CCM2: variants seen among roughly 807,000 people sequenced by gnomAD.
The protein encoded by CCM2 is CCM2 scaffold protein.
In CCM2, 25 loss-of-function variants were observed where a neutral mutation model predicts 44.9. That is an observed-to-expected ratio of 0.56 (90% CI 0.41 to 0.78). CCM2 has a LOEUF of 0.78. Ranked by LOEUF, CCM2 falls within the 30% of genes least tolerant of loss-of-function variation. CCM2 has a pLI of 0.00. For missense variants in CCM2, 481 were observed against 580.6 expected (o/e 0.83, Z 1.76); for synonymous variants, 219 against 241.1 (o/e 0.91, Z 0.85).
rs1798673627 is a variant in CCM2, at chr7:45,064,506, C to T, written c.332C>T (p.Ala111Val). The change falls in exon 4 of 10, where the codon GCT (alanine) becomes GTT (valine). Residue 111 changes from alanine to valine, a missense_variant. Coordinates refer to ENST00000258781, the MANE Select transcript of CCM2 (RefSeq NM_031443.4). Reference protein sequence around the residue: ...LPGHLTQEHDAVLSLSAYNVK... With the variant: ...LPGHLTQEHDVVLSLSAYNVK... The stretch of plus-strand genomic sequence containing the variant: ...GGACACTTGACTCAGGAGCACGATG[C>T]TGTGCTCAGCCTGTCTGCGTACAAC... 1 of 1,613,802 alleles carries T rather than the reference C, an allele frequency of 6.2e-7. No individual in the cohort carries two copies. The highest frequency in any genetic ancestry group is 8.5e-7 in the Non-Finnish European group (1 of 1,179,948).
rs1300588805 is a variant in CCM2, at chr7:45,017,569, CTG to C, written c.30+17211_30+17212del. ...ACAGAGTTGATCTTGAAGAGTCAGACTGTGTGGCTGAATCCTTACCTGGCACG... is the reference window on the plus strand; with the variant it reads ...ACAGAGTTGATCTTGAAGAGTCAGACTGTGGCTGAATCCTTACCTGGCACG... On this transcript the variant is annotated intron_variant, in intron 1 of 9. Transcript: ENST00000258781. 3.3e-5 allele frequency among the ~76,000 whole-genome samples: 5 copies of C among 152,318 alleles called. No homozygotes were observed. In the East Asian group the frequency reaches 7.7e-4, roughly 23 times the overall value.
chr7:45,064,508 G>T lies in CCM2; in HGVS notation c.334G>T (p.Val112Leu), dbSNP rs1454748433. The stretch of plus-strand genomic sequence containing the variant: ...ACACTTGACTCAGGAGCACGATGCT[G>T]TGCTCAGCCTGTCTGCGTACAACGT... ...PGHLTQEHDA[V>L]LSLSAYNVKL... is the part of the protein sequence containing the mutation. Residue 112 changes from valine to leucine, a missense_variant, in exon 4 of 10, where the codon GTG (valine) becomes TTG (leucine). Transcript: ENST00000258781. The T allele has an allele frequency of 6.2e-7, 1 of 1,613,688 alleles. No homozygotes were observed. Among genetic ancestry groups the T allele is most frequent in the Admixed American group, 1.7e-5 (1 of 59,996 alleles).
chr7:45,053,129 T>C (rs1158520576), intron 2 of CCM2, among the ~76,000 whole-genome samples: 1 of 152,202 alleles, frequency 6.6e-6, no homozygotes, highest in East Asian at 1.9e-4. Flanking sequence ...ACCTTTTTGA[T>C]AGTTTGGGTC....
chr7:45,060,923 T>C (rs1798489333), intron 2 of CCM2, among the ~76,000 whole-genome samples: 2 of 152,234 alleles, frequency 1.3e-5, no homozygotes, highest in South Asian at 4.1e-4. Context: ...ATCTCCACTA[T>C]GTCTGAGTCT....
chr7:45,005,002 A>G (rs1438870980), intron 1 of CCM2, among the ~76,000 whole-genome samples: 1 of 152,132 alleles, frequency 6.6e-6, no homozygotes, highest in Non-Finnish European at 1.5e-5. Context: ...GTCTCAAAAA[A>G]AAAAAAAAGG....
At chr7:45,074,210 C>T in intron 8 of CCM2, 60 bp from the exon 9 acceptor site, 1 of 1,609,950 alleles carries the variant, frequency 6.2e-7, no homozygotes. Flanking sequence ...GCAAGGTGGG[C>T]CCGACTGCCG....
At chr7:45,034,218 T>TG (rs1176247524) in intron 1 of CCM2, among the ~76,000 whole-genome samples, 1 of 152,066 alleles carries the variant, frequency 6.6e-6, no homozygotes, top group Non-Finnish European at 1.5e-5. Context: ...ACTTTTTTTT[T>TG]TTTTTGTTTT....
chr7:45,043,769 T>C, intron 2 of CCM2: 2 of 387,958 alleles, frequency 5.2e-6, no homozygotes, highest in Non-Finnish European at 4.9e-6. Flanking sequence ...TTTTCTCTCA[T>C]TTTTCCTATT....
intron 1 of CCM2, among the ~76,000 whole-genome samples, chr7:45,035,087 G>T (rs1261898948): frequency 1.3e-5 from 2 of 151,766 alleles, no homozygotes; most frequent in Admixed American, 1.3e-4. Flanking sequence ...TACCCACCTC[G>T]GCCTCCCAAA....
chr7:45,027,145 G>C (rs1426482311), intron 1 of CCM2: 4 of 194,574 alleles, frequency 2.1e-5, no homozygotes, highest in Admixed American at 5.3e-5. Flanking sequence ...AGCCCGGTGT[G>C]CCCTGCCCAA....
chr7:45,054,656 G>A (rs76854521), intron 2 of CCM2, among the ~76,000 whole-genome samples: 1,701 of 152,314 alleles, frequency 0.011, 27 homozygotes, highest in African/African-American at 0.038. Flanking sequence ...AGGCCACCTG[G>A]CCATACCGTC....
chr7:45,074,547 C>A, intron 9 of CCM2, 139 bp downstream of exon 9: 1 of 752,028 alleles, frequency 1.3e-6, no homozygotes, highest in Non-Finnish European at 2.3e-6. Flanking sequence ...CCAGAGATGG[C>A]ATGAGAGCAG....
chr7:45,011,588 G>C (rs1796069628), intron 1 of CCM2, among the ~76,000 whole-genome samples: 1 of 152,006 alleles, frequency 6.6e-6, no homozygotes, highest in East Asian at 1.9e-4. Context: ...GTCTCACTCT[G>C]TTGCCCAGGC....
At chr7:45,063,848 C>T (rs751668943) in intron 2 of CCM2, 70 bp from the exon 3 acceptor site, 20 of 1,050,954 alleles carry the variant, frequency 1.9e-5, no homozygotes, top group Middle Eastern at 4.0e-4. Flanking sequence ...TTTGTGCTCT[C>T]GGTGGTAGTG....
In CCM2 at chr7:45,076,098, C is replaced by T. The variant is rs375261158; in HGVS notation, c.*41C>T. 69 of 1,610,730 alleles carry T rather than the reference C, an allele frequency of 4.3e-5. No homozygotes were observed. The highest frequency in any genetic ancestry group is 1.2e-4 in the Admixed American group (7 of 59,918). On this transcript the variant is annotated 3_prime_UTR_variant, in exon 10 of 10. Transcript: ENST00000258781. ...GGGGCACCCACACCTTCCGCGCAGT[C>T]GTCATAGGCCTTCCCAGAAGGAGCT...
intron 2 of CCM2, among the ~76,000 whole-genome samples, chr7:45,048,067 C>CAATAAAT (rs76158861): frequency 0.13 from 20,214 of 152,044 alleles, 1,624 homozygotes; most frequent in Middle Eastern, 0.22. Context: ...AATTGGAAGT[C>CAATAAAT]AATATCTTAA....
At chr7:45,018,715 G>T (rs1043478895) in intron 1 of CCM2, among the ~76,000 whole-genome samples, 2 of 150,962 alleles carry the variant, frequency 1.3e-5, no homozygotes, top group Admixed American at 6.6e-5. Context: ...GAAGTTACCT[G>T]TCATTTTTGT....
At chr7:45,022,458 C>A (rs1031519576) in intron 1 of CCM2, among the ~76,000 whole-genome samples, 9 of 151,510 alleles carry the variant, frequency 5.9e-5, no homozygotes, top group African/African-American at 2.2e-4. Flanking sequence ...AGGCGCCCAC[C>A]ACCGTGCCCG....
chr7:45,017,583 C>A (rs946864883), intron 1 of CCM2, among the ~76,000 whole-genome samples: 1 of 152,182 alleles, frequency 6.6e-6, no homozygotes, highest in Admixed American at 6.6e-5. Flanking sequence ...GTGGCTGAAT[C>A]CTTACCTGGC....
Sources: allele counts gnomAD v4.1 joint callset (sites outside exome capture counted in the v4.1 genomes callset), GRCh38; gene constraint gnomAD v4.1.1; transcripts MANE v1.5; gene names NCBI Gene and HGNC (gene_info 2026-07-23, HGNC 2026-07-21).